Variants in TLCD5 observed in about 807,000 individuals in gnomAD.
TLCD5 encodes TLC domain-containing protein 5.
In TLCD5, 15 loss-of-function variants were observed where a neutral mutation model predicts 20.5. The ratio of observed to expected loss-of-function variants is 0.73; its 90% CI spans 0.49 to 1.13. TLCD5 has a LOEUF of 1.13. Ranked by LOEUF, TLCD5 falls within the 50% of genes most tolerant of loss-of-function variation. TLCD5 has a pLI of 0.00. For missense variants in TLCD5, 289 were observed against 305.6 expected (o/e 0.95, Z 0.41); for synonymous variants, 107 against 114.7 (o/e 0.93, Z 0.43).
Position 120,331,107 on chromosome 11 carries a change from T to C in TLCD5, c.*592T>C, listed in dbSNP as rs886305592. 1.3e-5 allele frequency: 2 copies of C among 152,318 alleles called. No homozygotes were observed. Among genetic ancestry groups the C allele is most frequent in the African/African-American group, 4.8e-5 (2 of 41,450 alleles). The allele number at this position is 152,318 out of a possible 1,614,324, so 9.4% of individuals were successfully genotyped here. ...TACTTACTGAACCTCCTATACCAAC[T>C]GTGCCAGAGGTGCCCAAGACCACTG... On this transcript the variant is annotated 3_prime_UTR_variant, in exon 3 of 3. Transcript: ENST00000375095. This position sits in a 1 kb window ranked among gnomAD's most constrained non-coding sequence, Gnocchi z 4.5.
intron 1 of TLCD5, among the ~76,000 whole-genome samples, chr11:120,326,174 C>T (rs1941993656): frequency 1.3e-5 from 2 of 151,998 alleles, no homozygotes; most frequent in Admixed American, 1.3e-4. Flanking sequence ...TCCCTTCCTC[C>T]CCTTCCTCTT....
intron 1 of TLCD5, among the ~76,000 whole-genome samples, chr11:120,325,826 C>T (rs1046220158): frequency 2.0e-5 from 3 of 152,256 alleles, no homozygotes; most frequent in African/African-American, 7.2e-5. Context: ...CCCAAGGTCA[C>T]AGAGTTGTGT....
Position 120,330,668 on chromosome 11 carries a change from A to G in TLCD5, c.*153A>G, listed in dbSNP as rs1198425687. On this transcript the variant is annotated 3_prime_UTR_variant, in exon 3 of 3. Coordinates refer to ENST00000375095, the MANE Select transcript of TLCD5 (RefSeq NM_001198671.2). Reference sequence around the variant, plus strand: ...TTTGGTCAGTCTTCAAGCCGAGCATATACCAGTATTAAAACACTAACTTCT... The same window carrying G: ...TTTGGTCAGTCTTCAAGCCGAGCATGTACCAGTATTAAAACACTAACTTCT... 3.7e-6 allele frequency: 3 copies of G among 820,066 alleles called. No individual in the cohort carries two copies. Among genetic ancestry groups the G allele is most frequent in the Non-Finnish European group, 5.5e-6 (3 of 540,828 alleles). The allele number at this position is 820,066 out of a possible 1,614,324, so 50.8% of individuals were successfully genotyped here.
rs1942144352 is a variant in TLCD5, at chr11:120,331,089, T to C, written c.*574T>C. 6.6e-6 allele frequency: 1 copy of C among 152,522 alleles called. No individual in the cohort carries two copies. 9.4% of individuals were successfully genotyped at this position (152,522 alleles called of 1,614,324 possible). A position where few individuals can be genotyped will look rare whatever the true frequency, so the allele number is the denominator to read the frequency against. On this transcript the variant is annotated 3_prime_UTR_variant, in exon 3 of 3. Coordinates refer to ENST00000375095, the MANE Select transcript of TLCD5 (RefSeq NM_001198671.2). This position sits in a 1 kb window ranked among gnomAD's most constrained non-coding sequence, Gnocchi z 4.5. ...GGCAGTGAGGGGGAGGGCTACTTAC[T>C]GAACCTCCTATACCAACTGTGCCAG...
At chr11:120,328,630 A>G (rs12802626) in intron 2 of TLCD5, among the ~76,000 whole-genome samples, 7 of 123,480 alleles carry the variant, frequency 5.7e-5, no homozygotes, top group Non-Finnish European at 3.5e-5. Flanking sequence ...GTGTGTTTGT[A>G]TATGTATGCA....
rs2135172408 is a variant in TLCD5, at chr11:120,330,907, CTT to C, written c.*393_*394del. The C allele has an allele frequency of 6.2e-6, 1 of 161,132 alleles. No individual in the cohort carries two copies. Among genetic ancestry groups the C allele is most frequent in the East Asian group, 1.8e-4 (1 of 5,652 alleles). The allele number at this position is 161,132 out of a possible 1,614,324, so 10.0% of individuals were successfully genotyped here. On this transcript the variant is annotated 3_prime_UTR_variant, in exon 3 of 3. Coordinates refer to ENST00000375095, the MANE Select transcript of TLCD5 (RefSeq NM_001198671.2). ...TGAGAAGTAACTCTTTCAATAAACA[CTT>C]ATTTCTGCTTTCCATATAGCAATTT...
At chr11:120,328,780 G>A (rs528234336) in intron 2 of TLCD5, among the ~76,000 whole-genome samples, 2 of 151,084 alleles carry the variant, frequency 1.3e-5, no homozygotes, top group Admixed American at 6.6e-5. Flanking sequence ...GTGTGTGTGC[G>A]CGTGTATGTT....
In TLCD5 at chr11:120,332,073, T is replaced by A. The variant is rs1942166912; in HGVS notation, c.*1558T>A. ...GCCAGTCTTGGAAGGAAAAAAATAATAATTCTTAGTGTGACAGTCTCCAAG... is the reference window on the plus strand; with the variant it reads ...GCCAGTCTTGGAAGGAAAAAAATAAAAATTCTTAGTGTGACAGTCTCCAAG... On this transcript the variant is annotated 3_prime_UTR_variant, in exon 3 of 3. Transcript: ENST00000375095. This position sits in a 1 kb window ranked among gnomAD's most constrained non-coding sequence, Gnocchi z 4.2. The A allele has an allele frequency of 6.6e-6, 1 of 152,096 alleles. No individual in the cohort carries two copies. The highest frequency in any genetic ancestry group is 6.5e-5 in the Admixed American group (1 of 15,274). 9.4% of individuals were successfully genotyped at this position (152,096 alleles called of 1,614,324 possible). A position where few individuals can be genotyped will look rare whatever the true frequency, so the allele number is the denominator to read the frequency against.
At chr11:120,325,553 C>T (rs1941977366) in intron 1 of TLCD5, among the ~76,000 whole-genome samples, 185 bp downstream of exon 1, 1 of 152,076 alleles carries the variant, frequency 6.6e-6, no homozygotes. Context: ...GATAACGGTG[C>T]CTGGCTCCGG....
chr11:120,328,205 G>A lies in TLCD5; in HGVS notation c.199+565G>A, dbSNP rs548638675. Among the ~76,000 whole-genome samples the A allele has an allele frequency of 1.1e-4, 16 of 151,928 alleles. No individual in the cohort carries two copies. The South Asian group carries it at 2.9e-3, about 28-fold the overall frequency. On this transcript the variant is annotated intron_variant, in intron 2 of 2. Transcript: ENST00000375095. ...CGCCATTCTCCTGCCTCAGCCTCCC[G>A]AGTAGCTGGGACTACAGGTGCCCGC... is the stretch of plus-strand genomic sequence containing the variant.
Position 120,327,653 on chromosome 11 carries a change from T to A in TLCD5, c.199+13T>A, listed in dbSNP as rs752009637. ...TTTACCCACCCAGGTAGGTAGGGGA[T>A]TTTCCCTTAGGGATTTATGATTTGG... On this transcript the variant is annotated intron_variant, in intron 2 of 2. Transcript: ENST00000375095. The A allele has an allele frequency of 6.2e-7, 1 of 1,608,232 alleles. No individual in the cohort carries two copies. The highest frequency in any genetic ancestry group is 8.5e-7 in the Non-Finnish European group (1 of 1,177,244).
At chr11:120,328,781 CGT>C (rs1262203230) in intron 2 of TLCD5, among the ~76,000 whole-genome samples, 67 of 3,674 alleles carry the variant, frequency 0.018, 4 homozygotes, top group African/African-American at 0.063. Flanking sequence ...TGTGTGTGCG[CGT>C]GTATGTTTGT....
At chr11:120,328,596 C>CTGTG (rs942342617) in intron 2 of TLCD5, among the ~76,000 whole-genome samples, 1 of 16,450 alleles carries the variant, frequency 6.1e-5, no homozygotes, top group African/African-American at 1.7e-4. Flanking sequence ...GGTCTCCCCT[C>CTGTG]TGTGTGTGTG....
In TLCD5 at chr11:120,330,676, A is replaced by G; in HGVS notation, c.*161A>G. 1 of 737,642 alleles carries G rather than the reference A, an allele frequency of 1.4e-6. No individual in the cohort carries two copies. The highest frequency in any genetic ancestry group is 2.1e-6 in the Non-Finnish European group (1 of 468,782). 45.7% of individuals were successfully genotyped at this position (737,642 alleles called of 1,614,324 possible). On this transcript the variant is annotated 3_prime_UTR_variant, in exon 3 of 3. Transcript: ENST00000375095. ...GTCTTCAAGCCGAGCATATACCAGTATTAAAACACTAACTTCTACAGTAGC... is the reference window on the plus strand; with the variant it reads ...GTCTTCAAGCCGAGCATATACCAGTGTTAAAACACTAACTTCTACAGTAGC...
chr11:120,327,865 A>G (rs1942037971), intron 2 of TLCD5, among the ~76,000 whole-genome samples: 2 of 152,160 alleles, frequency 1.3e-5, no homozygotes, highest in Non-Finnish European at 2.9e-5. Context: ...TGCTTGTTAC[A>G]ATTTAATTGG....
Position 120,330,543 on chromosome 11 carries a change from G to A in TLCD5, c.*28G>A. ...AAGGCTTGCTCCAGATTATGGATTGGGTTAAGTCAGCCATGGGAACCAGGT... is the reference window on the plus strand; with the variant it reads ...AAGGCTTGCTCCAGATTATGGATTGAGTTAAGTCAGCCATGGGAACCAGGT... On this transcript the variant is annotated 3_prime_UTR_variant, in exon 3 of 3. Transcript: ENST00000375095. The A allele has an allele frequency of 6.3e-7, 1 of 1,578,252 alleles. No homozygotes were observed. The highest frequency in any genetic ancestry group is 1.3e-5 in the African/African-American group (1 of 74,172).
intron 1 of TLCD5, chr11:120,327,207 T>C: frequency 1.5e-6 from 1 of 673,216 alleles, no homozygotes; most frequent in Non-Finnish European, 2.5e-6. Flanking sequence ...CAGTTCCTGG[T>C]TTCCAGTTTA....
chr11:120,330,665 C>A lies in TLCD5; in HGVS notation c.*150C>A. ...CAATTTGGTCAGTCTTCAAGCCGAG[C>A]ATATACCAGTATTAAAACACTAACT... On this transcript the variant is annotated 3_prime_UTR_variant, in exon 3 of 3. Transcript: ENST00000375095. 2 of 835,254 alleles carry A rather than the reference C, an allele frequency of 2.4e-6. No homozygotes were observed. Among genetic ancestry groups the A allele is most frequent in the Non-Finnish European group, 3.6e-6 (2 of 554,688 alleles). 51.7% of individuals were successfully genotyped at this position (835,254 alleles called of 1,614,324 possible). A position where few individuals can be genotyped will look rare whatever the true frequency, so the allele number is the denominator to read the frequency against.
chr11:120,330,387 T>G lies in TLCD5; in HGVS notation c.610T>G (p.Ser204Ala). 1 of 1,614,166 alleles carries G rather than the reference T, an allele frequency of 6.2e-7. No homozygotes were observed. The highest frequency in any genetic ancestry group is 8.5e-7 in the Non-Finnish European group (1 of 1,180,024). Residue 204 changes from serine to alanine, a missense_variant, in exon 3 of 3, where the codon TCT (serine) becomes GCT (alanine). Coordinates refer to ENST00000375095, the MANE Select transcript of TLCD5 (RefSeq NM_001198671.2). ...TGGGGGAGTAGCGATGTATGCTGTG[T>G]CTTGGTGTTTCATGTTTAGCATCTG... Reference protein sequence around the residue: ...KAGGVAMYAVSWCFMFSIWRF... With the variant: ...KAGGVAMYAVAWCFMFSIWRF...
Sources: gnomAD v4.1 joint callset for allele counts (sites outside exome capture counted in the v4.1 genomes callset) on GRCh38, gnomAD v4.1.1 for gene constraint, Gnocchi (gnomAD v3.1) non-coding constraint, MANE v1.5 for transcripts, NCBI Gene and HGNC (gene_info 2026-07-23, HGNC 2026-07-21) for gene names.